The following PTPRZ1 variants were observed in gnomAD, a reference collection of about 807,000 sequenced individuals.
PTPRZ1 encodes receptor-type tyrosine-protein phosphatase zeta.
PTPRZ1 carries 82 observed loss-of-function variants against 214.1 expected under a neutral mutation model. The observed-to-expected ratio is 0.38, with a 90% confidence interval of 0.32 to 0.46. The LOEUF is 0.46. Ranked by LOEUF, PTPRZ1 falls within the 20% of genes least tolerant of loss-of-function variation. The pLI is 1.00. For missense variants in PTPRZ1, 2,603 were observed against 2,748.7 expected, an observed-to-expected ratio of 0.95 and a Z score of 1.19; for synonymous variants, 945 against 987.9, an observed-to-expected ratio of 0.96 and a Z score of 0.81.
chr7:122,023,748 T>C (rs1022905502), intron 13 of PTPRZ1, among the ~76,000 whole-genome samples: 1 of 133,706 alleles, frequency 7.5e-6, no homozygotes, highest in Non-Finnish European at 1.5e-5. Flanking sequence ...TATATATAAT[T>C]ATATATATAA....
At chr7:121,885,848 C>CTGTG (rs1288282563) in intron 1 of PTPRZ1, among the ~76,000 whole-genome samples, 1 of 152,168 alleles carries the variant, frequency 6.6e-6, no homozygotes, top group Non-Finnish European at 1.5e-5. Flanking sequence ...TTTTTACAAA[C>CTGTG]ATCACAAGAG....
At chr7:121,999,114 C>T (rs1465738852) in intron 10 of PTPRZ1, among the ~76,000 whole-genome samples, 1 of 152,132 alleles carries the variant, frequency 6.6e-6, no homozygotes, top group Non-Finnish European at 1.5e-5. Flanking sequence ...TTCCAAACTA[C>T]AGGCTACAAA....
intron 27 of PTPRZ1, among the ~76,000 whole-genome samples, chr7:122,055,435 T>G (rs1421305476): frequency 6.7e-6 from 1 of 149,962 alleles, no homozygotes; most frequent in Admixed American, 6.6e-5. Flanking sequence ...ACCTTGTAAG[T>G]AAAATGGGAA....
At chr7:121,982,144 GAA>G (rs1187801114) in intron 6 of PTPRZ1, among the ~76,000 whole-genome samples, 1 of 152,060 alleles carries the variant, frequency 6.6e-6, no homozygotes, top group African/African-American at 2.4e-5. Flanking sequence ...ACTGTTTATT[GAA>G]AAGACCATCC....
At chr7:121,918,257 A>G (rs1795484817) in intron 1 of PTPRZ1, among the ~76,000 whole-genome samples, 1 of 152,160 alleles carries the variant, frequency 6.6e-6, no homozygotes, top group Non-Finnish European at 1.5e-5. Context: ...AGACAGTGAC[A>G]TTTGGGTTTA....
intron 3 of PTPRZ1, among the ~76,000 whole-genome samples, 187 bp from the exon 4 acceptor site, chr7:121,972,354 T>G (rs1444254344): frequency 6.6e-6 from 1 of 152,178 alleles, no homozygotes; most frequent in African/African-American, 2.4e-5. Context: ...AGTTTGCATT[T>G]GTGGCAATAA....
Position 122,012,074 on chromosome 7 carries a change from A to C in PTPRZ1, c.3028A>C (p.Thr1010Pro), listed in dbSNP as rs1314233447. 1 of 1,614,080 alleles carries C rather than the reference A, an allele frequency of 6.2e-7. No homozygotes were observed. The highest frequency in any genetic ancestry group is 8.5e-7 in the Non-Finnish European group (1 of 1,180,034). ...TGATAGTGAATTTCTTTTACCTGAC[A>C]CAGATGGGCTGACAGCCCTTAACAT... ...SSDSEFLLPDTDGLTALNISS... is the reference protein window; with the variant it reads ...SSDSEFLLPDPDGLTALNISS... The change falls in exon 12 of 30, where the codon ACA becomes CCA. Residue 1010 changes from threonine to proline, a missense_variant. Transcript: ENST00000393386.
At chr7:121,906,826 A>G (rs1307344827) in intron 1 of PTPRZ1, among the ~76,000 whole-genome samples, 1 of 152,190 alleles carries the variant, frequency 6.6e-6, no homozygotes, top group Non-Finnish European at 1.5e-5. Flanking sequence ...TTTTGCTCAC[A>G]CTATTTTTAA....
At chr7:121,916,863 C>G (rs565066356) in intron 1 of PTPRZ1, among the ~76,000 whole-genome samples, 1 of 152,172 alleles carries the variant, frequency 6.6e-6, no homozygotes, top group Admixed American at 6.5e-5. Flanking sequence ...TAAGGCCTCA[C>G]TTTGGGGATT....
At chr7:121,940,715 T>G (rs1162399140) in intron 2 of PTPRZ1, among the ~76,000 whole-genome samples, 1 of 152,196 alleles carries the variant, frequency 6.6e-6, no homozygotes, top group Non-Finnish European at 1.5e-5. Flanking sequence ...TTCTGTCATA[T>G]TCAGGACTTC....
chr7:121,976,919 G>A (rs950252006), intron 6 of PTPRZ1, 68 bp downstream of exon 6: 114 of 1,358,696 alleles, frequency 8.4e-5, no homozygotes, highest in East Asian at 3.8e-4. Context: ...TTGACAATAC[G>A]ACAAAAGTCA....
rs746282121 is a variant in PTPRZ1 at position 122,012,570 on chromosome 7, C to A, written c.3524C>A (p.Ser1175Tyr). The A allele has an allele frequency of 5.6e-6, 9 of 1,613,452 alleles. No individual in the cohort carries two copies. In the Admixed American group the frequency reaches 1.5e-4, roughly 27 times the overall value. ...TQLLFYETSA[S>Y]FSTEVLLQPS... ...CTCTTATTTTATGAGACCTCAGCTT[C>A]TTTTAGTACTGAAGTATTGCTACAA... Residue 1175 changes from serine (S) to tyrosine (Y), a missense_variant, in exon 12 of 30, where the codon TCT becomes TAT. Transcript: ENST00000393386.
Position 122,061,971 on chromosome 7 carries a change from AC to A in PTPRZ1, c.*753del, listed in dbSNP as rs1792592781. 2 of 152,662 alleles carry A rather than the reference AC, an allele frequency of 1.3e-5. No homozygotes were observed. The highest frequency in any genetic ancestry group is 2.4e-5 in the African/African-American group (1 of 41,460). 9.5% of individuals were successfully genotyped at this position (152,662 alleles called of 1,614,324 possible). On this transcript the variant is annotated 3_prime_UTR_variant, in exon 30 of 30. Transcript: ENST00000393386. Reference sequence around the variant, plus strand: ...GAAGTTTTTATGAGAATAACACCTTACCAAACATTGTTCAAATGGTTTTTAT... The same window carrying A: ...GAAGTTTTTATGAGAATAACACCTTACAAACATTGTTCAAATGGTTTTTAT...
In PTPRZ1 at chr7:122,061,088, T is replaced by C. The variant is rs1293237324; in HGVS notation, c.6816T>C (p.Tyr2272=). The stretch of plus-strand genomic sequence containing the variant: ...CATCTTCTGTTCTCTAGGAGCAGTA[T>C]CAGTTTCTCTACAAAGTGATCCTCA... ...RPGVFADIEQ[Y]QFLYKVILSL... is the part of the protein sequence containing the mutation. Residue 2272 remains tyrosine (Y), a synonymous_variant, in exon 30 of 30, where the codon TAT becomes TAC. Transcript: ENST00000393386. 6.2e-7 allele frequency: 1 copy of C among 1,604,066 alleles called. No individual in the cohort carries two copies. The highest frequency in any genetic ancestry group is 2.2e-5 in the East Asian group (1 of 44,734).
intron 28 of PTPRZ1, among the ~76,000 whole-genome samples, 161 bp downstream of exon 28, chr7:122,059,103 T>A (rs956277650): frequency 6.6e-6 from 1 of 152,072 alleles, no homozygotes; most frequent in Non-Finnish European, 1.5e-5. Flanking sequence ...GAACATTTTT[T>A]TTTTTTTTAC....
At chr7:121,984,148 C>T in intron 8 of PTPRZ1, 31 bp downstream of exon 8, 1 of 1,587,988 alleles carries the variant, frequency 6.3e-7, no homozygotes, top group Non-Finnish European at 8.6e-7. Context: ...TTCTACAACT[C>T]TCATAGATGC....
chr7:122,008,184 AAG>A (rs1798549337), intron 11 of PTPRZ1, among the ~76,000 whole-genome samples: 1 of 152,164 alleles, frequency 6.6e-6, no homozygotes, highest in African/African-American at 2.4e-5. Context: ...AGCAAAGAGA[AAG>A]AAATGTAATA....
intron 27 of PTPRZ1, among the ~76,000 whole-genome samples, chr7:122,055,874 T>C (rs1468857037): frequency 2.6e-5 from 4 of 151,908 alleles, no homozygotes; most frequent in African/African-American, 9.7e-5. Context: ...TGAAAACTAG[T>C]ACATATATGG....
chr7:121,926,397 A>G (rs914153903), intron 1 of PTPRZ1, among the ~76,000 whole-genome samples: 3 of 152,098 alleles, frequency 2.0e-5, no homozygotes, highest in Admixed American at 2.0e-4. Context: ...AACCCTTTCT[A>G]AAGTTTAGTC....
Sources: gnomAD v4.1 joint callset for allele counts (sites outside exome capture counted in the v4.1 genomes callset) on GRCh38, gnomAD v4.1.1 for gene constraint, MANE v1.5 for transcripts, NCBI Gene and HGNC (gene_info 2026-07-23, HGNC 2026-07-21) for gene names.